The following GPA33 variants were observed in gnomAD, a reference collection of about 807,000 sequenced individuals.
The protein encoded by GPA33 is cell surface A33 antigen.
GPA33 carries 27 observed loss-of-function variants against 35.6 expected under a neutral mutation model. The observed-to-expected ratio is 0.76, with a 90% CI of 0.56 to 1.04. GPA33 has a LOEUF of 1.04. Ranked by LOEUF, GPA33 falls within the 50% of genes least tolerant of loss-of-function variation. GPA33 has a pLI of 0.00. For missense variants in GPA33, 428 were observed against 411.9 expected (o/e 1.04, Z -0.34); for synonymous variants, 176 against 164.0 (o/e 1.07, Z -0.56).
intron 4 of GPA33, among the ~76,000 whole-genome samples, chr1:167,056,657 G>GATGCAT (rs1666275207): frequency 1.7e-4 from 4 of 23,884 alleles, no homozygotes; most frequent in Admixed American, 4.4e-4. Context: ...TAGTGTGTGT[G>GATGCAT]GTACGGTGAG....
Position 167,055,066 on chromosome 1 carries a change from A to G in GPA33, c.737T>C (p.Val246Ala). The change falls in exon 6 of 7, where the codon GTT becomes GCT. Residue 246 changes from valine to alanine, a missense_variant. Val to Ala is a moderately conservative substitution (Grantham distance 64). Transcript: ENST00000367868. ...ALYVGIAVGV[V>A]AALIIIGIII... The stretch of plus-strand genomic sequence containing the variant: ...GATGCCAATGATAATGAGGGCTGCA[A>G]CCACGCCCACCGCGATGCCCACATA... 6 of 1,613,788 alleles carry G rather than the reference A, an allele frequency of 3.7e-6. No homozygotes were observed. The highest frequency in any genetic ancestry group is 5.1e-6 in the Non-Finnish European group (6 of 1,179,972).
At chr1:167,055,150 A>G (rs763323220) in intron 5 of GPA33, 39 bp from the exon 6 acceptor site, 8 of 1,606,162 alleles carry the variant, frequency 5.0e-6, no homozygotes, top group Non-Finnish European at 6.8e-6. Flanking sequence ...CCGAGCTTCT[A>G]AGCTAGCTCC....
chr1:167,070,048 G>A (rs1254658775), intron 2 of GPA33, among the ~76,000 whole-genome samples: 1 of 152,150 alleles, frequency 6.6e-6, no homozygotes, highest in Non-Finnish European at 1.5e-5. Context: ...GTAAGTCAGG[G>A]GAGGCTTCCT....
chr1:167,075,067 A>C (rs1164489321), intron 1 of GPA33, among the ~76,000 whole-genome samples: 1 of 151,224 alleles, frequency 6.6e-6, no homozygotes, highest in African/African-American at 2.4e-5. Flanking sequence ...ACGCCCAGCT[A>C]ATTTTGTATT....
chr1:167,066,061 G>A (rs1010014460), intron 3 of GPA33, among the ~76,000 whole-genome samples: 4 of 152,148 alleles, frequency 2.6e-5, no homozygotes, highest in African/African-American at 4.8e-5. Context: ...CCCTCTCCAC[G>A]CATCCAAACC....
chr1:167,056,619 G>GCA (rs1327564341), intron 4 of GPA33, among the ~76,000 whole-genome samples: 1 of 94,636 alleles, frequency 1.1e-5, no homozygotes. Flanking sequence ...TAGTGTGTGT[G>GCA]GTGAGTGTGT....
chr1:167,088,399 G>A (rs12040913), intron 1 of GPA33, among the ~76,000 whole-genome samples: 61,918 of 151,828 alleles, frequency 0.41, 12,951 homozygotes, highest in Middle Eastern at 0.45. Context: ...ACCTCAAGTC[G>A]ACCACCAAGC....
In GPA33 at chr1:167,073,432, T is replaced by C. The variant is rs1235523594; in HGVS notation, c.151A>G (p.Ser51Gly). Residue 51 changes from serine (S) to glycine (G), a missense_variant, in exon 2 of 7, where the codon AGT (serine) becomes GGT (glycine). Transcript: ENST00000367868. ...LPCTYHTSTS[S>G]REGLIQWDKL... ...TCCCATTGAATAAGTCCCTCTCGAC[T>C]GGAGGTGGAAGTGTGGTAGGTGCAG... 1 of 1,613,838 alleles carries C rather than the reference T, an allele frequency of 6.2e-7. No individual in the cohort carries two copies. The highest frequency in any genetic ancestry group is 1.7e-5 in the Admixed American group (1 of 59,992).
Position 167,082,451 on chromosome 1 carries a change from G to A in GPA33, c.43+7794C>T, listed in dbSNP as rs1020986163. 2.4e-5 allele frequency: 9 copies of A among 380,362 alleles called. No individual in the cohort carries two copies. In the East Asian group the frequency reaches 5.7e-4, roughly 24 times the overall value. The allele number at this position is 380,362 out of a possible 1,614,324, so 23.6% of individuals were successfully genotyped here. A position where few individuals can be genotyped will look rare whatever the true frequency, so the allele number is the denominator to read the frequency against. On this transcript the variant is annotated intron_variant, in intron 1 of 6. Coordinates refer to ENST00000367868, the MANE Select transcript of GPA33 (RefSeq NM_005814.3). The stretch of plus-strand genomic sequence containing the variant: ...AAGCTGAGACCAGAGGGGCACAGAG[G>A]ATCCTGAGCAGATTTCTTTAGCCCC...
rs1478785230 is a variant in GPA33, at chr1:167,054,336, A to T, written c.958T>A (p.Ter320ArgextTer12). 1 of 1,613,664 alleles carries T rather than the reference A, an allele frequency of 6.2e-7. No homozygotes were observed. The highest frequency in any genetic ancestry group is 8.5e-7 in the Non-Finnish European group (1 of 1,179,858). ...GRESPDHLDQ* is the reference protein window; with the variant it reads ...GRESPDHLDQR ...CGCCGCCCTCTGCTGCTGGCCTGTC[A>T]CTGGTCGAGGTGGTCCGGGGATTCA... Residue 320 changes from the stop codon to arginine, a stop_lost, in exon 7 of 7, where the codon TGA becomes AGA. Coordinates refer to ENST00000367868, the MANE Select transcript of GPA33 (RefSeq NM_005814.3).
intron 1 of GPA33, among the ~76,000 whole-genome samples, chr1:167,076,060 GCAGA>G (rs887349604): frequency 6.6e-6 from 1 of 152,202 alleles, no homozygotes; most frequent in Non-Finnish European, 1.5e-5. Context: ...ACAAGAGGAA[GCAGA>G]CAGTGTTTGC....
At chr1:167,087,273 C>T (rs1278402729) in intron 1 of GPA33, among the ~76,000 whole-genome samples, 1 of 151,908 alleles carries the variant, frequency 6.6e-6, no homozygotes, top group Non-Finnish European at 1.5e-5. Context: ...TTACATTCCC[C>T]CACAGTAATA....
chr1:167,077,668 A>C (rs1244043281), intron 1 of GPA33, among the ~76,000 whole-genome samples: 1 of 152,222 alleles, frequency 6.6e-6, no homozygotes, highest in Non-Finnish European at 1.5e-5. Flanking sequence ...TCCTTTAGAC[A>C]ATGGAGTGTC....
At chr1:167,069,908 T>C (rs188980243) in intron 2 of GPA33, among the ~76,000 whole-genome samples, 1 of 152,330 alleles carries the variant, frequency 6.6e-6, no homozygotes, top group Non-Finnish European at 1.5e-5. Flanking sequence ...ATCTACTAGG[T>C]GTCTGACATT....
intron 2 of GPA33, among the ~76,000 whole-genome samples, chr1:167,071,425 G>A (rs1175684237): frequency 9.2e-5 from 14 of 152,344 alleles, no homozygotes. Flanking sequence ...TGACACCTGT[G>A]CGTGCAGTGC....
At chr1:167,083,552 C>T (rs763857108) in intron 1 of GPA33, among the ~76,000 whole-genome samples, 8 of 152,180 alleles carry the variant, frequency 5.3e-5, no homozygotes, top group Non-Finnish European at 1.0e-4. Context: ...GCTGCTCTCA[C>T]GGCGTTCACT....
chr1:167,079,507 A>G (rs1666884931), intron 1 of GPA33, among the ~76,000 whole-genome samples: 1 of 151,986 alleles, frequency 6.6e-6, no homozygotes, highest in Non-Finnish European at 1.5e-5. Flanking sequence ...AAAAAGAAAA[A>G]AAAGAAAACT....
chr1:167,060,773 G>T (rs953181876), intron 4 of GPA33, among the ~76,000 whole-genome samples: 1 of 152,134 alleles, frequency 6.6e-6, no homozygotes, highest in African/African-American at 2.4e-5. Context: ...GGGCAAAGAC[G>T]AACCTCCCTA....
intron 1 of GPA33, among the ~76,000 whole-genome samples, chr1:167,088,092 C>G (rs1051238919): frequency 6.6e-6 from 1 of 152,126 alleles, no homozygotes; most frequent in Non-Finnish European, 1.5e-5. Context: ...GCAGTGCTTC[C>G]CTGCCCAGGT....
Sources: allele counts gnomAD v4.1 joint callset (sites outside exome capture counted in the v4.1 genomes callset), GRCh38; gene constraint gnomAD v4.1.1; transcripts MANE v1.5; gene names NCBI Gene and HGNC (gene_info 2026-07-23, HGNC 2026-07-21).